The following BICDL1 variants were observed in gnomAD, a reference collection of about 807,000 sequenced individuals.
BICDL1 encodes the protein BICD family-like cargo adapter 1.
A neutral mutation model predicts 76.8 loss-of-function variants in BICDL1; 20 were observed. The observed-to-expected ratio is 0.26, with a 90% confidence interval of 0.18 to 0.38. The LOEUF (loss-of-function observed/expected upper bound fraction) is 0.38, where lower values mean the gene tolerates loss of function less well. Among genes scored for constraint, BICDL1 ranks in the 10% least tolerant of loss-of-function variants. BICDL1 has a pLI of 1.00. For missense variants in BICDL1, 700 were observed against 798.6 expected, an observed-to-expected ratio of 0.88 and a Z score of 1.49; for synonymous variants, 383 against 337.1, an observed-to-expected ratio of 1.14 and a Z score of -1.49.
intron 5 of BICDL1, 141 bp from the exon 6 acceptor site, chr12:120,072,367 TAAA>T: frequency 4.8e-6 from 3 of 626,028 alleles, no homozygotes; most frequent in Admixed American, 3.1e-5. Context: ...ACAAATGAGT[TAAA>T]AAAAAAACAC....
At position 119,989,900 on chromosome 12, in the gene BICDL1, G is replaced by A. The variant is rs1951477005; in HGVS notation, c.32G>A (p.Arg11His). ...GCTTTCTGCCTGGGCTTGGTCGGCC[G>A]CGCTTCAGCACCCGCCGAGCCGGAC... MSAFCLGLVG[R>H]ASAPAEPDSA... Residue 11 changes from arginine (R) to histidine (H), a missense_variant, in exon 1 of 10, where the codon CGC (arginine) becomes CAC (histidine). Coordinates refer to ENST00000548673, the MANE Select transcript of BICDL1 (RefSeq NM_001367886.1). 6.9e-7 allele frequency: 1 copy of A among 1,443,208 alleles called. No homozygotes were observed. The allele number at this position is 1,443,208 out of a possible 1,614,324, so 89.4% of individuals were successfully genotyped here.
rs10603226 is a variant in BICDL1, at chr12:119,989,292, TGCA to T, written c.-565_-563del. 0.16 allele frequency among the ~76,000 whole-genome samples: 23,325 copies of T among 149,986 alleles called. 2,577 individuals are homozygous for T. Among genetic ancestry groups the T allele is most frequent in the African/African-American group, 0.32 (13,301 of 41,104 alleles). ...GATGTGGAGCCGCCGCCTCGGCCCC[TGCA>T]GCAGCAGCAGCCGCCGTCGCCGCCG... On this transcript the variant is annotated 5_prime_UTR_variant, in exon 1 of 10. Coordinates refer to ENST00000548673, the MANE Select transcript of BICDL1 (RefSeq NM_001367886.1).
At chr12:120,033,525 C>T (rs183468772) in intron 2 of BICDL1, among the ~76,000 whole-genome samples, 1 of 151,582 alleles carries the variant, frequency 6.6e-6, no homozygotes, top group African/African-American at 2.4e-5. Flanking sequence ...TACAGGCGCC[C>T]GCCTCCACGC....
Position 120,004,152 on chromosome 12 carries a change from C to T in BICDL1, c.645+5416C>T, listed in dbSNP as rs140321932. On this transcript the variant is annotated intron_variant, in intron 2 of 9. Transcript: ENST00000548673. ...TCAAGAGTAAAACTCGAGAATTCAC[C>T]TTAAAATAATTATTTTTTCTTTGAT... Among the ~76,000 whole-genome samples the T allele has an allele frequency of 3.8e-4, 58 of 152,286 alleles. 1 individual carries two copies. In the East Asian group the frequency reaches 0.011, roughly 28 times the overall value.
chr12:120,054,666 CAG>C (rs944075154), intron 2 of BICDL1, among the ~76,000 whole-genome samples: 1 of 152,064 alleles, frequency 6.6e-6, no homozygotes, highest in Non-Finnish European at 1.5e-5. Context: ...CACTTGAGAT[CAG>C]GAGTTTGAGA....
chr12:120,056,091 A>G (rs1244319160), intron 2 of BICDL1, among the ~76,000 whole-genome samples: 1 of 152,246 alleles, frequency 6.6e-6, no homozygotes, highest in Admixed American at 6.5e-5. Flanking sequence ...GAAAATTTCT[A>G]AAAGGACTCC....
intron 2 of BICDL1, among the ~76,000 whole-genome samples, chr12:120,045,686 G>T (rs1434177152): frequency 3.4e-5 from 5 of 149,228 alleles, no homozygotes; most frequent in South Asian, 4.3e-4. Context: ...ACCAGACACC[G>T]CATATTCTCA....
At position 120,080,876 on chromosome 12, in the gene BICDL1, TCTC is replaced by T. The variant is rs762546944; in HGVS notation, c.1453-8_1453-6del. On this transcript the variant is annotated splice_polypyrimidine_tract_variant and splice_region_variant and intron_variant, in intron 7 of 9. Transcript: ENST00000548673. ...ACAGCAGCAGTGATACCATATTCAT[TCTC>T]CTGTTAGGTGACACTGCTGAGTGTG... is the stretch of plus-strand genomic sequence containing the variant. 7 of 1,612,076 alleles carry T rather than the reference TCTC, an allele frequency of 4.3e-6. No individual in the cohort carries two copies. Among genetic ancestry groups the T allele is most frequent in the Non-Finnish European group, 5.9e-6 (7 of 1,178,922 alleles).
intron 1 of BICDL1, chr12:119,993,312 A>G (rs1036384025): frequency 3.3e-5 from 5 of 152,012 alleles, no homozygotes; most frequent in African/African-American, 1.2e-4. Flanking sequence ...GATCTTTTCT[A>G]CCTATTCATT....
chr12:120,090,943 C>A, intron 9 of BICDL1: 6 of 1,288,900 alleles, frequency 4.7e-6, no homozygotes, highest in Non-Finnish European at 6.1e-6. Context: ...CTATCTGGCT[C>A]CTTTGGTTTC....
chr12:120,036,101 G>A (rs887535086), intron 2 of BICDL1, among the ~76,000 whole-genome samples: 22 of 152,106 alleles, frequency 1.4e-4, no homozygotes, highest in African/African-American at 5.1e-4. Context: ...CACTGGTGAT[G>A]GTTTATAGGT....
intron 8 of BICDL1, 107 bp downstream of exon 8, chr12:120,081,124 AAGTT>A (rs1029212187): frequency 3.3e-6 from 4 of 1,223,806 alleles, no homozygotes; most frequent in South Asian, 2.7e-5. Context: ...ACAAAGGTAA[AAGTT>A]AGTTTCCCCG....
chr12:120,086,342 C>T (rs530718442), intron 8 of BICDL1, among the ~76,000 whole-genome samples: 30 of 152,318 alleles, frequency 2.0e-4, no homozygotes, highest in African/African-American at 6.7e-4. Context: ...AACCACACCC[C>T]CCATTTGTAT....
At chr12:120,086,129 C>G (rs900878919) in intron 8 of BICDL1, among the ~76,000 whole-genome samples, 1 of 152,094 alleles carries the variant, frequency 6.6e-6, no homozygotes, top group African/African-American at 2.4e-5. Context: ...TCTGATTAGA[C>G]TTGCAAATTC....
intron 1 of BICDL1, among the ~76,000 whole-genome samples, chr12:119,997,241 T>C (rs909927356): frequency 2.0e-5 from 3 of 152,118 alleles, no homozygotes; most frequent in Non-Finnish European, 2.9e-5. Context: ...CCACCGCGCC[T>C]GGCCACAAAA....
chr12:120,084,793 G>C (rs908178110), intron 8 of BICDL1, among the ~76,000 whole-genome samples: 2 of 152,034 alleles, frequency 1.3e-5, no homozygotes, highest in Admixed American at 6.6e-5. Flanking sequence ...AGGAGGCTGA[G>C]GCAGGAGAAT....
chr12:120,092,434 C>T, intron 9 of BICDL1: 1 of 985,462 alleles, frequency 1.0e-6, no homozygotes, highest in Non-Finnish European at 1.2e-6. Context: ...GCAGCAGGGT[C>T]TAGGGCAGCA....
chr12:119,996,955 T>G lies in BICDL1; in HGVS notation c.430-1566T>G, dbSNP rs544897938. ...TTTATCTCAGAAACAAAAAGATTTT[T>G]TTTTTTTTTTTGAGACGGAGTCTCG... On this transcript the variant is annotated intron_variant, in intron 1 of 9. Transcript: ENST00000548673. 5.9e-3 allele frequency among the ~76,000 whole-genome samples: 902 copies of G among 151,992 alleles called. 14 individuals are homozygous for G. The highest frequency in any genetic ancestry group is 0.021 in the African/African-American group (862 of 41,446).
At chr12:120,049,496 T>C (rs1312107315) in intron 2 of BICDL1, among the ~76,000 whole-genome samples, 1 of 152,202 alleles carries the variant, frequency 6.6e-6, no homozygotes, top group Non-Finnish European at 1.5e-5. Flanking sequence ...TCTGGAAAGG[T>C]TGTCTTTTAT....
Sources: gnomAD v4.1 joint callset for allele counts (sites outside exome capture counted in the v4.1 genomes callset) on GRCh38, gnomAD v4.1.1 for gene constraint, MANE v1.5 for transcripts, NCBI Gene and HGNC (gene_info 2026-07-23, HGNC 2026-07-21) for gene names.